The following EPB41L3 variants were observed in gnomAD, a reference collection of about 807,000 sequenced individuals.
The protein encoded by EPB41L3 is band 4.1-like protein 3.
In EPB41L3, 57 loss-of-function variants were observed where a neutral mutation model predicts 127.1. The ratio of observed to expected loss-of-function variants is 0.45; its 90% CI spans 0.36 to 0.56. The LOEUF is 0.56. Ranked by LOEUF, EPB41L3 falls within the 20% of genes least tolerant of loss-of-function variation. The pLI is 0.00. For synonymous variants in EPB41L3, 572 were observed against 549.5 expected (o/e 1.04, Z -0.57); for missense variants, 1,273 against 1,372.2 (o/e 0.93, Z 1.14).
intron 3 of EPB41L3, among the ~76,000 whole-genome samples, chr18:5,551,659 G>T (rs1568562635): frequency 6.6e-6 from 1 of 152,128 alleles, no homozygotes; most frequent in Non-Finnish European, 1.5e-5. Context: ...GATTGAGGCT[G>T]CAGTGAGTTG....
At chr18:5,561,586 A>G (rs1167323768) in intron 3 of EPB41L3, among the ~76,000 whole-genome samples, 1 of 152,260 alleles carries the variant, frequency 6.6e-6, no homozygotes, top group African/African-American at 2.4e-5. Context: ...TAATAGTTGT[A>G]GTATGAATGA....
At chr18:5,608,236 C>T (rs1369545783) in intron 3 of EPB41L3, among the ~76,000 whole-genome samples, 2 of 152,070 alleles carry the variant, frequency 1.3e-5, no homozygotes, top group Non-Finnish European at 2.9e-5. Context: ...AGAAAGTAAG[C>T]CATGACAGTG....
intron 3 of EPB41L3, among the ~76,000 whole-genome samples, chr18:5,566,732 CTATTCTATTCT>C (rs2094205077): frequency 1.2e-4 from 10 of 84,334 alleles, no homozygotes; most frequent in African/African-American, 4.3e-4. Context: ...CCATTCTATT[CTATTCTATTCT>C]ATTCTATTCT....
chr18:5,587,549 A>ATG (rs2094451608), intron 3 of EPB41L3, among the ~76,000 whole-genome samples: 1 of 152,146 alleles, frequency 6.6e-6, no homozygotes, highest in Non-Finnish European at 1.5e-5. Context: ...GGGTCTTGGA[A>ATG]TGCATCCCCC....
At chr18:5,538,995 A>ATTTTTTTTTTTTTTTTTTTTTTTTTT (rs757227800) in intron 1 of EPB41L3, among the ~76,000 whole-genome samples, 1 of 115,212 alleles carries the variant, frequency 8.7e-6, no homozygotes. Context: ...TTTCTCCAAG[A>ATTTTTTTTTTTTTTTTTTTTTTTTTT]TTTTTTTTTT....
At chr18:5,527,697 C>A (rs953037388) in intron 1 of EPB41L3, among the ~76,000 whole-genome samples, 3 of 152,158 alleles carry the variant, frequency 2.0e-5, no homozygotes, top group Non-Finnish European at 2.9e-5. Flanking sequence ...CTGTGCAAGG[C>A]TACACTAAGC....
intron 3 of EPB41L3, among the ~76,000 whole-genome samples, chr18:5,566,724 ATTC>A (rs2094204260): frequency 1.2e-4 from 4 of 34,536 alleles, no homozygotes; most frequent in Admixed American, 3.2e-4. Context: ...TTTCTATTCC[ATTC>A]TATTCTATTC....
intron 1 of EPB41L3, among the ~76,000 whole-genome samples, chr18:5,528,472 G>T (rs1436409819): frequency 6.6e-6 from 1 of 151,964 alleles, no homozygotes; most frequent in African/African-American, 2.4e-5. Context: ...CCCAGCTGGG[G>T]TCACATTTTG....
At chr18:5,399,001 G>A (rs1172676595) in intron 16 of EPB41L3, 4 of 399,036 alleles carry the variant, frequency 1.0e-5, no homozygotes, top group Non-Finnish European at 1.8e-5. Flanking sequence ...AGGGTTTCCA[G>A]GACCTCATAT....
At chr18:5,451,205 C>T (rs2082237106) in intron 3 of EPB41L3, among the ~76,000 whole-genome samples, 1 of 152,142 alleles carries the variant, frequency 6.6e-6, no homozygotes, top group South Asian at 2.1e-4. Flanking sequence ...GTTTCTCTCC[C>T]TTTATCCATT....
intron 2 of EPB41L3, among the ~76,000 whole-genome samples, chr18:5,485,535 A>G (rs907142765): frequency 2.0e-5 from 3 of 152,036 alleles, no homozygotes; most frequent in Non-Finnish European, 1.5e-5. Flanking sequence ...ATCCAAACTG[A>G]AAAGAAAGAA....
intron 13 of EPB41L3, among the ~76,000 whole-genome samples, chr18:5,414,482 C>G (rs956659142): frequency 6.6e-6 from 1 of 152,164 alleles, no homozygotes; most frequent in African/African-American, 2.4e-5. Context: ...CTCGCACACC[C>G]TCAACATATA....
At chr18:5,432,824 G>A (rs1052996886) in intron 8 of EPB41L3, among the ~76,000 whole-genome samples, 3 of 152,142 alleles carry the variant, frequency 2.0e-5, no homozygotes, top group African/African-American at 7.2e-5. Flanking sequence ...GCAAACCTTA[G>A]CCTAGGTGAA....
At chr18:5,557,471 G>A (rs765716053) in intron 3 of EPB41L3, among the ~76,000 whole-genome samples, 10 of 152,064 alleles carry the variant, frequency 6.6e-5, no homozygotes, top group South Asian at 2.1e-4. Context: ...CCAACCCTCC[G>A]CCTCCCAGGC....
intron 1 of EPB41L3, among the ~76,000 whole-genome samples, chr18:5,499,678 A>G (rs549026771): frequency 6.6e-6 from 1 of 152,004 alleles, no homozygotes; most frequent in South Asian, 2.1e-4. Flanking sequence ...GAGGCAGGAC[A>G]ATGGCGTGAA....
intron 3 of EPB41L3, 101 bp from the exon 4 acceptor site, chr18:5,445,345 T>C (rs2081323289): frequency 6.4e-6 from 6 of 937,280 alleles, no homozygotes; most frequent in South Asian, 1.5e-5. Context: ...TTGCTTGGTG[T>C]AACTTTAGGG....
chr18:5,423,951 CTGAAATAGTAAGGAAT>C (rs1327900288), intron 10 of EPB41L3, among the ~76,000 whole-genome samples: 1 of 151,936 alleles, frequency 6.6e-6, no homozygotes, highest in Non-Finnish European at 1.5e-5. Context: ...TGAGAAATCA[CTGAAATAGTAAGGAAT>C]TGAAATAGTA....
intron 1 of EPB41L3, among the ~76,000 whole-genome samples, chr18:5,529,926 ATATGTG>A (rs2093355511): frequency 2.2e-5 from 2 of 91,506 alleles, no homozygotes; most frequent in African/African-American, 8.5e-5. Context: ...ATCAACTCAT[ATATGTG>A]TGTGTGTGTG....
At chr18:5,616,637 C>T (rs1226684758) in intron 1 of EPB41L3, among the ~76,000 whole-genome samples, 7 of 152,280 alleles carry the variant, frequency 4.6e-5, no homozygotes, top group South Asian at 2.1e-4. Flanking sequence ...ACAATGAGAA[C>T]GTCACCAATG....
Sources: gnomAD v4.1 joint callset for allele counts (sites outside exome capture counted in the v4.1 genomes callset) on GRCh38, gnomAD v4.1.1 for gene constraint, MANE v1.5 for transcripts, NCBI Gene and HGNC (gene_info 2026-07-23, HGNC 2026-07-21) for gene names.